Variants in PDE3B observed in about 807,000 individuals in gnomAD.
PDE3B encodes the protein cGMP-inhibited 3',5'-cyclic phosphodiesterase 3B.
PDE3B carries 66 observed loss-of-function variants against 116.8 expected under a neutral mutation model. That is an observed-to-expected ratio of 0.56 (90% CI 0.46 to 0.69). PDE3B has a LOEUF of 0.69. PDE3B is among the 30% of genes least tolerant of loss of function. The pLI, the probability that PDE3B is intolerant of heterozygous loss-of-function variation, is 0.00. For synonymous variants in PDE3B, 595 were observed against 533.6 expected, an observed-to-expected ratio of 1.12 and a Z score of -1.59; for missense variants, 1,384 against 1,368.1, an observed-to-expected ratio of 1.01 and a Z score of -0.18.
At chr11:14,688,276 A>G (rs1854946906) in intron 1 of PDE3B, among the ~76,000 whole-genome samples, 1 of 152,148 alleles carries the variant, frequency 6.6e-6, no homozygotes, top group Admixed American at 6.5e-5. Flanking sequence ...CAAGAAATCC[A>G]TCAATCTTTG....
At chr11:14,826,127 G>C (rs1181638081) in intron 7 of PDE3B, among the ~76,000 whole-genome samples, 1 of 152,184 alleles carries the variant, frequency 6.6e-6, no homozygotes, top group Non-Finnish European at 1.5e-5. Context: ...GCAGTGTTAA[G>C]AGGGAAATTT....
chr11:14,700,887 G>T (rs1488815384), intron 1 of PDE3B: 1 of 151,718 alleles, frequency 6.6e-6, no homozygotes, highest in Non-Finnish European at 1.5e-5. Context: ...ACTTACATTA[G>T]GTATCAATTA....
chr11:14,807,488 G>A (rs2133938499), intron 5 of PDE3B, among the ~76,000 whole-genome samples: 1 of 152,042 alleles, frequency 6.6e-6, no homozygotes, highest in African/African-American at 2.4e-5. Flanking sequence ...TAAAAGACCA[G>A]TAGAAAAAGA....
chr11:14,688,093 TTCTTTCTCTCTCTCTC>T lies in PDE3B; in HGVS notation c.978+43060_978+43075del, dbSNP rs1854927839. On this transcript the variant is annotated intron_variant, in intron 1 of 15. Coordinates refer to ENST00000282096, the MANE Select transcript of PDE3B (RefSeq NM_000922.4). ...TAAAATTTTCTTTCTTTTTCTTTCTTTCTTTCTCTCTCTCTCTCTTTCTCTCTCTCTCTCTCTCTCT... is the reference window on the plus strand; with the variant it reads ...TAAAATTTTCTTTCTTTTTCTTTCTTTCTTTCTCTCTCTCTCTCTCTCTCT... 5.0e-5 allele frequency among the ~76,000 whole-genome samples: 7 copies of T among 140,230 alleles called. No individual in the cohort carries two copies. In the South Asian group the frequency reaches 1.6e-3, roughly 31 times the overall value. The allele number at this position is 140,230 out of a possible 152,430, so 92.0% of individuals were successfully genotyped here.
chr11:14,754,269 T>G (rs1857127733), intron 1 of PDE3B, among the ~76,000 whole-genome samples: 7 of 152,180 alleles, frequency 4.6e-5, no homozygotes, highest in South Asian at 2.1e-4. Flanking sequence ...CCAGCCAGTT[T>G]CTTTAGCATT....
At chr11:14,853,280 A>G (rs1847790849) in intron 12 of PDE3B, among the ~76,000 whole-genome samples, 1 of 152,010 alleles carries the variant, frequency 6.6e-6, no homozygotes, top group Non-Finnish European at 1.5e-5. Flanking sequence ...TTTGTTTTTT[A>G]TATGTATCTT....
chr11:14,809,342 A>G (rs1859052328), intron 5 of PDE3B, among the ~76,000 whole-genome samples: 1 of 152,234 alleles, frequency 6.6e-6, no homozygotes. Context: ...CTAAATGGCT[A>G]TCAATAAATG....
At chr11:14,688,158 TCC>T (rs1247804709) in intron 1 of PDE3B, among the ~76,000 whole-genome samples, 1 of 66,086 alleles carries the variant, frequency 1.5e-5, no homozygotes, top group East Asian at 5.6e-4. Context: ...CCTCCCTCCA[TCC>T]CTCTCTCTCT....
intron 4 of PDE3B, among the ~76,000 whole-genome samples, chr11:14,799,628 C>T (rs1007528200): frequency 6.6e-6 from 1 of 151,614 alleles, no homozygotes; most frequent in African/African-American, 2.4e-5. Flanking sequence ...ATATTGGGTA[C>T]ATATATATTT....
chr11:14,677,624 A>G (rs200025369), intron 1 of PDE3B, among the ~76,000 whole-genome samples: 1 of 152,190 alleles, frequency 6.6e-6, no homozygotes, highest in Admixed American at 6.5e-5. Context: ...TATATCCACT[A>G]CAACATTCAG....
At chr11:14,728,857 C>T (rs576603490) in intron 1 of PDE3B, among the ~76,000 whole-genome samples, 125 of 152,146 alleles carry the variant, frequency 8.2e-4, no homozygotes, top group Non-Finnish European at 1.5e-3. Context: ...TGCATGTTGA[C>T]TCATTTATCA....
intron 1 of PDE3B, among the ~76,000 whole-genome samples, chr11:14,683,554 G>T (rs1565090582): frequency 6.6e-6 from 1 of 151,748 alleles, no homozygotes; most frequent in Non-Finnish European, 1.5e-5. Context: ...GGTAATTTAT[G>T]TCTATCTTTT....
At chr11:14,650,148 C>T (rs1853530459) in intron 1 of PDE3B, among the ~76,000 whole-genome samples, 1 of 151,818 alleles carries the variant, frequency 6.6e-6, no homozygotes, top group Non-Finnish European at 1.5e-5. Flanking sequence ...TCTGCTACAG[C>T]ACGTTCTTTG....
intron 11 of PDE3B, 79 bp from the exon 12 acceptor site, chr11:14,843,748 A>G (rs776418903): frequency 4.4e-5 from 46 of 1,049,292 alleles, no homozygotes; most frequent in Non-Finnish European, 6.5e-5. Context: ...CATATTACCT[A>G]TGAGAATCCC....
chr11:14,826,784 A>T (rs1482702972), intron 7 of PDE3B, among the ~76,000 whole-genome samples: 1 of 79,230 alleles, frequency 1.3e-5, no homozygotes, highest in South Asian at 5.9e-4. Flanking sequence ...TTACAAAAAA[A>T]TGAGGAGGAA....
intron 12 of PDE3B, among the ~76,000 whole-genome samples, chr11:14,844,836 G>T (rs1847558133): frequency 6.6e-6 from 1 of 152,242 alleles, no homozygotes; most frequent in South Asian, 2.1e-4. Flanking sequence ...CAGCTGGGAA[G>T]CTCGAACTGG....
At chr11:14,747,726 A>G (rs1016328197) in intron 1 of PDE3B, among the ~76,000 whole-genome samples, 1 of 152,192 alleles carries the variant, frequency 6.6e-6, no homozygotes, top group African/African-American at 2.4e-5. Context: ...AGAATGGCTT[A>G]AAAATTAATT....
At chr11:14,785,726 A>G (rs1412959070) in intron 2 of PDE3B, among the ~76,000 whole-genome samples, 4 of 151,752 alleles carry the variant, frequency 2.6e-5, no homozygotes, top group South Asian at 4.1e-4. Flanking sequence ...TTTTTCTACC[A>G]ATTTTTTAAG....
chr11:14,764,416 T>C (rs1857441057), intron 1 of PDE3B, among the ~76,000 whole-genome samples: 2 of 152,110 alleles, frequency 1.3e-5, no homozygotes, highest in Admixed American at 1.3e-4. Context: ...AGACAAATGC[T>C]GAGTAATCAG....
Sources: gnomAD v4.1 joint callset for allele counts (sites outside exome capture counted in the v4.1 genomes callset) on GRCh38, gnomAD v4.1.1 for gene constraint, MANE v1.5 for transcripts, NCBI Gene and HGNC (gene_info 2026-07-23, HGNC 2026-07-21) for gene names.